Variants in PSRC1 observed in about 807,000 individuals in gnomAD.
PSRC1 encodes the protein proline and serine rich coiled-coil 1.
PSRC1 carries 30 observed loss-of-function variants against 31.9 expected under a neutral mutation model. That is an observed-to-expected ratio of 0.94 (90% CI 0.70 to 1.28). The LOEUF is 1.28. Ranked by LOEUF, PSRC1 falls within the 50% of genes most tolerant of loss-of-function variation. The pLI is 0.00. For synonymous variants in PSRC1, 191 were observed against 192.1 expected (o/e 0.99, Z 0.05); for missense variants, 481 against 472.8 (o/e 1.02, Z -0.16).
chr1:109,280,638 C>A, intron 5 of PSRC1, 139 bp downstream of exon 6: 1 of 956,146 alleles, frequency 1.0e-6, no homozygotes, highest in South Asian at 1.7e-5. Flanking sequence ...CTGTCCAGCC[C>A]CATATCCTCT....
exon 3 of PSRC1, chr1:109,282,567 A>T: frequency 6.2e-7 from 1 of 1,613,966 alleles, no homozygotes; most frequent in Non-Finnish European, 8.5e-7. Context: ...TCCACAATAA[A>T]CCTTACATCT....
chr1:109,282,011 G>T (rs755461671), exon 4 of PSRC1: 2 of 1,509,658 alleles, frequency 1.3e-6, no homozygotes, highest in African/African-American at 1.4e-5. Context: ...AGGCCCCGTC[G>T]AAGTGGTTTC....
exon 5 of PSRC1, chr1:109,281,205 G>C (rs1657053152): frequency 6.2e-7 from 1 of 1,612,204 alleles, no homozygotes; most frequent in East Asian, 2.2e-5. Context: ...AAGAGGAGAA[G>C]ATGCTGGGCT....
At position 109,281,743 on chromosome 1, in the gene PSRC1, T is replaced by G; in HGVS notation, c.395A>C (p.Asn132Thr). Residue 132 changes from asparagine to threonine, a missense_variant, in exon 4 of 7, where the codon AAC becomes ACC. By Grantham distance (65) the Asn-to-Thr change is moderately conservative (BLOSUM62 0). Transcript: ENST00000409138. ...GGAGGGGGTGCTCCGCGTCAAAGAG[T>G]TCACAGTGGGCAGCAGGTCTCGGAC... The G allele has an allele frequency of 1.9e-6, 3 of 1,613,536 alleles. No homozygotes were observed. The East Asian group carries it at 6.7e-5, about 36-fold the overall frequency.
chr1:109,280,118 T>C (rs1383931678), exon 7 of PSRC1: 2 of 1,614,064 alleles, frequency 1.2e-6, no homozygotes, highest in South Asian at 2.2e-5. Flanking sequence ...CTGTAGTGGT[T>C]TGCTACTGAA....
At chr1:109,280,743 G>A in intron 5 of PSRC1, 34 bp downstream of exon 6, 1 of 1,508,616 alleles carries the variant, frequency 6.6e-7, no homozygotes, top group South Asian at 1.3e-5. Context: ...GACACGCTGG[G>A]CAAGGGCGGG....
intron 6 of PSRC1, 65 bp from the exon 8 acceptor site, chr1:109,280,221 G>A: frequency 6.3e-7 from 1 of 1,588,472 alleles, no homozygotes; most frequent in Non-Finnish European, 8.6e-7. Context: ...TTGTCACCCA[G>A]CAGAATTCAA....
At chr1:109,280,709 T>C (rs914084471) in intron 5 of PSRC1, 68 bp downstream of exon 6, 1 of 1,335,462 alleles carries the variant, frequency 7.5e-7, no homozygotes, top group Non-Finnish European at 1.0e-6. Context: ...AAGTGGTCAC[T>C]GTTGACAGCT....
chr1:109,282,482 G>C (rs1235511762), intron 3 of PSRC1, 36 bp downstream of exon 3: 1 of 1,591,252 alleles, frequency 6.3e-7, no homozygotes, highest in Non-Finnish European at 8.6e-7. Flanking sequence ...AAGAGGTACT[G>C]TTAGAGGAAA....
At chr1:109,281,793 C>T in exon 4 of PSRC1, 1 of 1,614,122 alleles carries the variant, frequency 6.2e-7, no homozygotes, top group East Asian at 2.2e-5. Flanking sequence ...GCACAAAGGT[C>T]TCCCGCCGAG....
chr1:109,280,445 G>A (rs779663501), exon 6 of PSRC1: 17 of 1,613,538 alleles, frequency 1.1e-5, no homozygotes, highest in African/African-American at 2.7e-5. Context: ...AGATTGCTGC[G>A]AGTGGCACCC....
intron 1 of PSRC1, 37 bp from the exon 2 acceptor site, chr1:109,282,773 C>CA: frequency 6.5e-7 from 1 of 1,545,804 alleles, no homozygotes; most frequent in Non-Finnish European, 8.7e-7. Context: ...GGTATCCATT[C>CA]TGCCCAAGGC....
At chr1:109,281,649 T>G in exon 4 of PSRC1, 1 of 1,613,622 alleles carries the variant, frequency 6.2e-7, no homozygotes, top group Non-Finnish European at 8.5e-7. Context: ...TCTTTCCAGA[T>G]GTAGCCCGGA....
intron 6 of PSRC1, 87 bp downstream of exon 7, chr1:109,280,309 A>T: frequency 7.0e-7 from 1 of 1,435,364 alleles, no homozygotes; most frequent in Non-Finnish European, 9.7e-7. Flanking sequence ...TTCCATACAA[A>T]ATTCAGGGCT....
intron 3 of PSRC1, 52 bp downstream of exon 3, chr1:109,282,466 G>A: frequency 1.3e-6 from 2 of 1,537,608 alleles, no homozygotes; most frequent in African/African-American, 1.4e-5. Context: ...TAAGGGATTC[G>A]AGACAAAGAG....
chr1:109,281,898 C>T (rs930758466), exon 4 of PSRC1: 6 of 1,610,964 alleles, frequency 3.7e-6, no homozygotes, highest in Non-Finnish European at 5.1e-6. Context: ...GCCGGTTGGC[C>T]TCATCGAGGA....
At chr1:109,280,454 C>T (rs1449244148) in exon 6 of PSRC1, 2 of 1,613,430 alleles carry the variant, frequency 1.2e-6, no homozygotes, top group African/African-American at 2.7e-5. Flanking sequence ...CGAGTGGCAC[C>T]CATGACAGGA....
intron 1 of PSRC1, 89 bp from the exon 2 acceptor site, chr1:109,282,825 G>A: frequency 7.5e-7 from 1 of 1,330,776 alleles, no homozygotes; most frequent in Non-Finnish European, 1.0e-6. Context: ...CGGGGGTCAT[G>A]CTGGAGGCAA....
At position 109,280,801 on chromosome 1, in the gene PSRC1, T is replaced by C. The variant is rs1656942800; in HGVS notation, c.970A>G (p.Arg324Gly). Residue 324 changes from arginine to glycine, a missense_variant, in exon 5 of 7, where the codon AGA (arginine) becomes GGA (glycine). Coordinates refer to ENST00000409138, the Ensembl canonical transcript of PSRC1. ...CCCTTGTGTCCACTTTCCCGCACTC[T>C]GTGTCCTGCAGTGCTTGGTCTTGGA... 1.2e-5 allele frequency: 19 copies of C among 1,588,710 alleles called. No individual in the cohort carries two copies. The highest frequency in any genetic ancestry group is 2.3e-5 in the South Asian group (2 of 88,526).
Sources: allele counts gnomAD v4.1 joint callset, GRCh38; gene constraint gnomAD v4.1.1; transcripts MANE v1.5; gene names NCBI Gene and HGNC (gene_info 2026-07-23, HGNC 2026-07-21).